Variants in SCUBE3 observed in about 807,000 individuals in gnomAD.
The protein encoded by SCUBE3 is signal peptide, CUB and EGF-like domain-containing protein 3.
Under a neutral mutation model 116.8 loss-of-function variants are expected in SCUBE3, and 33 were observed. The ratio of observed to expected loss-of-function variants is 0.28; its 90% CI spans 0.21 to 0.38. SCUBE3 has a LOEUF of 0.38. SCUBE3 is among the 10% of genes least tolerant of loss of function. The pLI is 1.00. For synonymous variants in SCUBE3, 418 were observed against 496.9 expected, an observed-to-expected ratio of 0.84 and a Z score of 2.11; for missense variants, 1,007 against 1,324.8, an observed-to-expected ratio of 0.76 and a Z score of 3.72.
chr6:35,248,559 A>C lies in SCUBE3; in HGVS notation c.2836A>C (p.Lys946Gln). ...SENHQEILKD[K>Q]KLIKAFFEVL... ...TGCTCCCTGCCATCCTTTGCAGGACAAGAAGCTCATCAAGGCCTTCTTTGA... is the reference window on the plus strand; with the variant it reads ...TGCTCCCTGCCATCCTTTGCAGGACCAGAAGCTCATCAAGGCCTTCTTTGA... Residue 946 changes from lysine to glutamine, a missense_variant, in exon 22 of 22, where the codon AAG becomes CAG. This residue lies in a region of SCUBE3 where 118 missense variants were observed against 196.6 expected (regional missense o/e 0.60). Transcript: ENST00000274938. 3 of 1,614,072 alleles carry C rather than the reference A, an allele frequency of 1.9e-6. No individual in the cohort carries two copies. The highest frequency in any genetic ancestry group is 1.1e-5 in the South Asian group (1 of 91,078).
At chr6:35,230,305 A>G (rs1343537940) in intron 3 of SCUBE3, among the ~76,000 whole-genome samples, 1 of 152,168 alleles carries the variant, frequency 6.6e-6, no homozygotes, top group African/African-American at 2.4e-5. Context: ...TAGGCCCCTG[A>G]TTGTCACCAC....
chr6:35,246,731 T>G (rs928600261), intron 21 of SCUBE3, among the ~76,000 whole-genome samples: 2 of 152,232 alleles, frequency 1.3e-5, no homozygotes, highest in African/African-American at 4.8e-5. Context: ...ATCCCAGCAC[T>G]TTGGGAGGCC....
At position 35,241,760 on chromosome 6, in the gene SCUBE3, G is replaced by A. The variant is rs1382756971; in HGVS notation, c.1313-46G>A. 6.5e-7 allele frequency: 1 copy of A among 1,546,376 alleles called. No individual in the cohort carries two copies. The highest frequency in any genetic ancestry group is 8.9e-7 in the Non-Finnish European group (1 of 1,118,210). On this transcript the variant is annotated intron_variant, in intron 11 of 21. Transcript: ENST00000274938. The surrounding 1 kb of genome is among the most constrained non-coding windows in gnomAD (Gnocchi z 4.1). ...TCCCCCTGGATTCCTCCAGCCAGCGGGGGTTGGGAAGGCAGGTCAGAACTG... is the reference window on the plus strand; with the variant it reads ...TCCCCCTGGATTCCTCCAGCCAGCGAGGGTTGGGAAGGCAGGTCAGAACTG...
At position 35,227,536 on chromosome 6, in the gene SCUBE3, A is replaced by G. The variant is rs763760593; in HGVS notation, c.86-44A>G. On this transcript the variant is annotated intron_variant, in intron 1 of 21. Transcript: ENST00000274938. ...GCCCACCTTCAAGACACCCCTTAAG[A>G]GGTGCCAACAGAGGTTCTCATGTGC... 10 of 1,611,964 alleles carry G rather than the reference A, an allele frequency of 6.2e-6. No individual in the cohort carries two copies. The African/African-American group carries it at 1.1e-4, about 17-fold the overall frequency.
chr6:35,243,843 C>T lies in SCUBE3; in HGVS notation c.2071+88C>T. 5 of 1,530,166 alleles carry T rather than the reference C, an allele frequency of 3.3e-6. No homozygotes were observed. Among genetic ancestry groups the T allele is most frequent in the Non-Finnish European group, 4.5e-6 (5 of 1,115,608 alleles). The allele number at this position is 1,530,166 out of a possible 1,614,324, so 94.8% of individuals were successfully genotyped here. ...GGATTTCCCAAAGGGCAGGCCCAGGCTCCAGGCCACTCTCTTAGTCAACAT... is the reference window on the plus strand; with the variant it reads ...GGATTTCCCAAAGGGCAGGCCCAGGTTCCAGGCCACTCTCTTAGTCAACAT... On this transcript the variant is annotated intron_variant, in intron 16 of 21. Transcript: ENST00000274938. This position sits in a 1 kb window ranked among gnomAD's most constrained non-coding sequence, Gnocchi z 6.6.
At position 35,241,482 on chromosome 6, in the gene SCUBE3, A is replaced by C. The variant is rs1784045707; in HGVS notation, c.1196-61A>C. Reference sequence around the variant, plus strand: ...AGTTATGCAAGTAGCTGATTCCTCCAAATTACCCAACTGAGGGAAAGGAAT... The same window carrying C: ...AGTTATGCAAGTAGCTGATTCCTCCCAATTACCCAACTGAGGGAAAGGAAT... On this transcript the variant is annotated intron_variant, in intron 10 of 21. Transcript: ENST00000274938. The surrounding 1 kb of genome is among the most constrained non-coding windows in gnomAD (Gnocchi z 4.1). The C allele has an allele frequency of 7.7e-7, 1 of 1,295,142 alleles. No homozygotes were observed. Among genetic ancestry groups the C allele is most frequent in the Non-Finnish European group, 1.1e-6 (1 of 889,754 alleles). 80.2% of individuals were successfully genotyped at this position (1,295,142 alleles called of 1,614,324 possible).
chr6:35,245,070 A>G lies in SCUBE3; in HGVS notation c.2402-158A>G, dbSNP rs1372451454. 6.6e-6 allele frequency among the ~76,000 whole-genome samples: 1 copy of G among 152,232 alleles called. No individual in the cohort carries two copies. Among genetic ancestry groups the G allele is most frequent in the Non-Finnish European group, 1.5e-5 (1 of 68,042 alleles). On this transcript the variant is annotated intron_variant, in intron 18 of 21. Coordinates refer to ENST00000274938, the MANE Select transcript of SCUBE3 (RefSeq NM_152753.4). The surrounding 1 kb of genome is among the most constrained non-coding windows in gnomAD (Gnocchi z 4.2). ...AAGAGAAGGTACTAAAAGGGCAGGA[A>G]GGAAGATGGACTCAGAGCTTGGAAA...
chr6:35,231,674 C>G lies in SCUBE3; in HGVS notation c.335-51C>G. The stretch of plus-strand genomic sequence containing the variant: ...TTGGTGCTGAAGTCTTGGGATATAC[C>G]CTGGACCCTGCCTGTACCCCATGAC... On this transcript the variant is annotated intron_variant, in intron 3 of 21. Transcript: ENST00000274938. This position sits in a 1 kb window ranked among gnomAD's most constrained non-coding sequence, Gnocchi z 4.2. 6.5e-7 allele frequency: 1 copy of G among 1,550,084 alleles called. No homozygotes were observed. The highest frequency in any genetic ancestry group is 8.8e-7 in the Non-Finnish European group (1 of 1,137,106).
intron 12 of SCUBE3, 103 bp downstream of exon 12, chr6:35,242,013 C>CT (rs1236903248): frequency 3.2e-6 from 3 of 941,494 alleles, no homozygotes; most frequent in African/African-American, 1.6e-5. Context: ...CCTGGATCCT[C>CT]TTTTTTGCCC....
In SCUBE3 at chr6:35,243,232, G is replaced by C; in HGVS notation, c.1905G>C (p.Lys635Asn). ...CRPGQHRAGT[K>N]CVSCPQGTYY... is the part of the protein sequence containing the mutation. ...CCGGGCAGCACCGTGCTGGGACCAA[G>C]TGTGGTAAGGGAGCTTACTGGGGAG... is the stretch of plus-strand genomic sequence containing the variant. Residue 635 changes from lysine to asparagine, a missense_variant, in exon 15 of 22, where the codon AAG becomes AAC. Physicochemically the swap from Lys to Asn is moderately conservative, Grantham distance 94. Coordinates refer to ENST00000274938, the MANE Select transcript of SCUBE3 (RefSeq NM_152753.4). The surrounding 1 kb of genome is among the most constrained non-coding windows in gnomAD (Gnocchi z 6.6). 6.2e-7 allele frequency: 1 copy of C among 1,613,404 alleles called. No homozygotes were observed.
At position 35,251,155 on chromosome 6, in the gene SCUBE3, T is replaced by G. The variant is rs868130763; in HGVS notation, c.*2450T>G. ...ATAACTTTCTTTCTTTCTTTCTTTT[T>G]TTTTTTTTTTTTTTTTGAGATGGAG... is the stretch of plus-strand genomic sequence containing the variant. On this transcript the variant is annotated 3_prime_UTR_variant, in exon 22 of 22. Coordinates refer to ENST00000274938, the MANE Select transcript of SCUBE3 (RefSeq NM_152753.4). The G allele has an allele frequency of 6.9e-6, 1 of 143,956 alleles. No individual in the cohort carries two copies. Among genetic ancestry groups the G allele is most frequent in the East Asian group, 2.0e-4 (1 of 5,038 alleles). The allele number at this position is 143,956 out of a possible 1,614,324, so 8.9% of individuals were successfully genotyped here. A position where few individuals can be genotyped will look rare whatever the true frequency, so the allele number is the denominator to read the frequency against.
chr6:35,248,425 T>A (rs1784439411), intron 21 of SCUBE3, 131 bp from the exon 22 acceptor site: 2 of 811,560 alleles, frequency 2.5e-6, no homozygotes, highest in South Asian at 1.6e-5. Flanking sequence ...GGAATGGGAA[T>A]CCAGAGTTGC....
chr6:35,214,440 G>T lies in SCUBE3; in HGVS notation c.22G>T (p.Gly8Trp). 2 of 1,484,240 alleles carry T rather than the reference G, an allele frequency of 1.3e-6. No individual in the cohort carries two copies. The highest frequency in any genetic ancestry group is 2.3e-5 in the Admixed American group (1 of 43,926). The allele number at this position is 1,484,240 out of a possible 1,614,324, so 91.9% of individuals were successfully genotyped here. ...AGCCATGGGCTCGGGGCGCGTACCC[G>T]GGCTCTGCCTGCTTGTCCTGCTGGT... MGSGRVP[G>W]LCLLVLLVHA... is the part of the protein sequence containing the mutation. The change falls in exon 1 of 22, where the codon GGG (glycine) becomes TGG (tryptophan). Residue 8 changes from glycine (G) to tryptophan (W), a missense_variant. By Grantham distance (184) the Gly-to-Trp change is radical (BLOSUM62 -2). Coordinates refer to ENST00000274938, the MANE Select transcript of SCUBE3 (RefSeq NM_152753.4). The surrounding 1 kb of genome is among the most constrained non-coding windows in gnomAD (Gnocchi z 6.3).
chr6:35,245,731 A>G lies in SCUBE3; in HGVS notation c.2600-213A>G, dbSNP rs917347933. Among the ~76,000 whole-genome samples the G allele has an allele frequency of 1.4e-4, 22 of 152,152 alleles. No individual in the cohort carries two copies. Among genetic ancestry groups the G allele is most frequent in the African/African-American group, 5.3e-4 (22 of 41,422 alleles). On this transcript the variant is annotated intron_variant, in intron 19 of 21. Transcript: ENST00000274938. The surrounding 1 kb of genome is among the most constrained non-coding windows in gnomAD (Gnocchi z 4.2). ...ATTTAAATGTCATATTTATTACACTATGTGAGTGCCCAGGTATCAAGGAGG... is the reference window on the plus strand; with the variant it reads ...ATTTAAATGTCATATTTATTACACTGTGTGAGTGCCCAGGTATCAAGGAGG...
intron 3 of SCUBE3, among the ~76,000 whole-genome samples, chr6:35,229,550 G>A (rs184479836): frequency 1.8e-4 from 28 of 152,258 alleles, no homozygotes; most frequent in African/African-American, 6.0e-4. Context: ...TGATGATGAC[G>A]ACAGTGCATC....
At chr6:35,238,877 C>T (rs1192894214) in intron 7 of SCUBE3, among the ~76,000 whole-genome samples, 1 of 152,036 alleles carries the variant, frequency 6.6e-6, no homozygotes, top group Non-Finnish European at 1.5e-5. Context: ...GTCTTTTGGC[C>T]CAACAGCTGC....
At chr6:35,221,592 T>C (rs1783119161) in intron 1 of SCUBE3, 1 of 152,268 alleles carries the variant, frequency 6.6e-6, no homozygotes, top group Non-Finnish European at 1.5e-5. Context: ...TCTGGTTCAC[T>C]GCCAAATCCC....
At chr6:35,225,161 T>A (rs976228410) in intron 1 of SCUBE3, among the ~76,000 whole-genome samples, 2 of 152,236 alleles carry the variant, frequency 1.3e-5, no homozygotes, top group Non-Finnish European at 2.9e-5. Context: ...GTTTACCAGA[T>A]ACTTTATTAG....
At position 35,241,642 on chromosome 6, in the gene SCUBE3, G is replaced by T; in HGVS notation, c.1295G>T (p.Arg432Met). The change falls in exon 11 of 22, where the codon AGG becomes ATG. Residue 432 changes from arginine to methionine, a missense_variant. This residue lies in a region of SCUBE3 where 544 missense variants were observed against 638.9 expected (regional missense o/e 0.85). Coordinates refer to ENST00000274938, the MANE Select transcript of SCUBE3 (RefSeq NM_152753.4). This position sits in a 1 kb window ranked among gnomAD's most constrained non-coding sequence, Gnocchi z 4.1. ...KDTCALTCPS[R>M]ARFLPESENG... ...ACCTGTGCCCTGACCTGTCCCTCCA[G>T]GGCCCGATTTTTGCCAGGTACATGG... The T allele has an allele frequency of 6.2e-7, 1 of 1,613,594 alleles. No homozygotes were observed. The highest frequency in any genetic ancestry group is 1.1e-5 in the South Asian group (1 of 91,064).
Sources: gnomAD v4.1 joint callset for allele counts (sites outside exome capture counted in the v4.1 genomes callset) on GRCh38, gnomAD v4.1.1 for gene constraint, gnomAD v4.1.1 regional missense constraint, Gnocchi (gnomAD v3.1) non-coding constraint, MANE v1.5 for transcripts, NCBI Gene and HGNC (gene_info 2026-07-23, HGNC 2026-07-21) for gene names.